The following KIF26B variants were observed in gnomAD, a reference collection of about 807,000 sequenced individuals.
KIF26B encodes the protein kinesin-like protein KIF26B.
In KIF26B, 63 loss-of-function variants were observed where a neutral mutation model predicts 151.2. The observed-to-expected ratio is 0.42, with a 90% CI of 0.34 to 0.51. The LOEUF (loss-of-function observed/expected upper bound fraction) is 0.51, where lower values mean the gene tolerates loss of function less well. KIF26B is among the 20% of genes least tolerant of loss of function. The pLI is 0.07. For missense variants in KIF26B, 2,813 were observed against 2,913.6 expected, an observed-to-expected ratio of 0.97 and a Z score of 0.79; for synonymous variants, 1,357 against 1,262.1, an observed-to-expected ratio of 1.08 and a Z score of -1.59.
intron 9 of KIF26B, among the ~76,000 whole-genome samples, chr1:245,629,279 T>C (rs2043755555): frequency 6.6e-6 from 1 of 151,978 alleles, no homozygotes; most frequent in Non-Finnish European, 1.5e-5. Context: ...AAAGAGCCCA[T>C]ATAGCAAAGA....
intron 4 of KIF26B, among the ~76,000 whole-genome samples, chr1:245,532,886 G>C (rs1044208843): frequency 6.6e-6 from 1 of 152,200 alleles, no homozygotes; most frequent in Non-Finnish European, 1.5e-5. Flanking sequence ...CCGATACGGA[G>C]AAGTTCCAGA....
chr1:245,671,337 CG>C (rs746171682), intron 10 of KIF26B, among the ~76,000 whole-genome samples: 2 of 152,146 alleles, frequency 1.3e-5, no homozygotes, highest in Non-Finnish European at 2.9e-5. Context: ...TAATATAACA[CG>C]GATGTACCTT....
chr1:245,167,417 A>G lies in KIF26B; in HGVS notation c.465+10734A>G, dbSNP rs978498392. On this transcript the variant is annotated intron_variant, in intron 2 of 14. Coordinates refer to ENST00000407071, the MANE Select transcript of KIF26B (RefSeq NM_018012.4). The surrounding 1 kb of genome is among the most constrained non-coding windows in gnomAD (Gnocchi z 4.2). The stretch of plus-strand genomic sequence containing the variant: ...TTTGAGTTGGCAGTGATGAGCAGCT[A>G]CACTTCCCCATGAAACTCTATCATC... 2.0e-5 allele frequency among the ~76,000 whole-genome samples: 3 copies of G among 152,156 alleles called. No individual in the cohort carries two copies. The highest frequency in any genetic ancestry group is 2.9e-5 in the Non-Finnish European group (2 of 68,048).
At chr1:245,617,611 C>T (rs1435834379) in intron 9 of KIF26B, among the ~76,000 whole-genome samples, 3 of 152,168 alleles carry the variant, frequency 2.0e-5, no homozygotes, top group Non-Finnish European at 4.4e-5. Flanking sequence ...CAAGGATGTC[C>T]ACACACTACA....
At chr1:245,569,909 C>A (rs1348115539) in intron 5 of KIF26B, among the ~76,000 whole-genome samples, 2 of 138,528 alleles carry the variant, frequency 1.4e-5, no homozygotes, top group Non-Finnish European at 3.1e-5. Context: ...TGAGGGAAAC[C>A]TACGTTGTAA....
chr1:245,314,962 C>T (rs1271480466), intron 2 of KIF26B, among the ~76,000 whole-genome samples: 1 of 152,080 alleles, frequency 6.6e-6, no homozygotes, highest in Admixed American at 6.5e-5. Context: ...GGGTGGATCA[C>T]CTGAGGTCGG....
At chr1:245,341,022 T>A (rs1457624407) in intron 2 of KIF26B, among the ~76,000 whole-genome samples, 1 of 152,176 alleles carries the variant, frequency 6.6e-6, no homozygotes, top group African/African-American at 2.4e-5. Context: ...TTGACACTTT[T>A]CATTTCTACA....
intron 2 of KIF26B, among the ~76,000 whole-genome samples, chr1:245,204,318 C>T (rs1437113766): frequency 6.6e-6 from 1 of 152,120 alleles, no homozygotes; most frequent in Admixed American, 6.5e-5. Flanking sequence ...TGGAGCATCA[C>T]TCCAAACTGT....
At chr1:245,690,986 C>G (rs553568277) in intron 12 of KIF26B, among the ~76,000 whole-genome samples, 4 of 152,332 alleles carry the variant, frequency 2.6e-5, no homozygotes, top group South Asian at 4.1e-4. Flanking sequence ...TTAATGAACT[C>G]TTGTTATTCT....
At chr1:245,384,351 A>G (rs1322703036) in intron 3 of KIF26B, among the ~76,000 whole-genome samples, 1 of 152,214 alleles carries the variant, frequency 6.6e-6, no homozygotes, top group African/African-American at 2.4e-5. Context: ...CACTGTGCTG[A>G]GGGCTTTGTG....
At chr1:245,615,645 A>G (rs1180166135) in intron 9 of KIF26B, among the ~76,000 whole-genome samples, 3 of 152,220 alleles carry the variant, frequency 2.0e-5, no homozygotes, top group Non-Finnish European at 1.5e-5. Context: ...TCAGGTTAAA[A>G]GAAAGGGCAA....
At position 245,392,099 on chromosome 1, in the gene KIF26B, G is replaced by A. The variant is rs140832296; in HGVS notation, c.999+24732G>A. ...AAGATAAAAAAATTGAACCATGAAGGAAGAGCTCTCTGGGGCTCTCCGTAA... is the reference window on the plus strand; with the variant it reads ...AAGATAAAAAAATTGAACCATGAAGAAAGAGCTCTCTGGGGCTCTCCGTAA... On this transcript the variant is annotated intron_variant, in intron 3 of 14. Coordinates refer to ENST00000407071, the MANE Select transcript of KIF26B (RefSeq NM_018012.4). 4.6e-5 allele frequency among the ~76,000 whole-genome samples: 7 copies of A among 151,906 alleles called. No individual in the cohort carries two copies. The East Asian group carries it at 1.4e-3, about 29-fold the overall frequency.
chr1:245,308,939 G>A (rs576441021), intron 2 of KIF26B, among the ~76,000 whole-genome samples: 1 of 152,282 alleles, frequency 6.6e-6, no homozygotes, highest in East Asian at 1.9e-4. Context: ...AACAGACAGT[G>A]GGTAAAGGAG....
intron 2 of KIF26B, among the ~76,000 whole-genome samples, chr1:245,182,274 C>T (rs142902905): frequency 5.3e-5 from 8 of 152,312 alleles, no homozygotes; most frequent in Admixed American, 1.3e-4. Flanking sequence ...ATCTGCTTTC[C>T]GTCTCTGTAG....
In KIF26B at chr1:245,686,421, G is replaced by GT; in HGVS notation, c.3440dup (p.Glu1149GlyfsTer6). On this transcript the variant is annotated frameshift_variant, in exon 12 of 15. Transcript: ENST00000407071. LOFTEE classifies it high-confidence loss of function. The surrounding 1 kb of genome is among the most constrained non-coding windows in gnomAD (Gnocchi z 5.6). ...AATCCATGTCTGCTGGGAGCGAAGGGTTCCCGGAAACTCCTGTCGATGATG... is the reference window on the plus strand; with the variant it reads ...AATCCATGTCTGCTGGGAGCGAAGGGTTTCCCGGAAACTCCTGTCGATGATG... The GT allele has an allele frequency of 6.2e-7, 1 of 1,613,468 alleles. No individual in the cohort carries two copies. Among genetic ancestry groups the GT allele is most frequent in the Non-Finnish European group, 8.5e-7 (1 of 1,179,906 alleles).
rs55638619 is a variant in KIF26B at position 245,244,756 on chromosome 1, T to TCACACACA, written c.465+88102_465+88109dup. Among the ~76,000 whole-genome samples the TCACACACA allele has an allele frequency of 0.25, 36,643 of 144,180 alleles. 5,167 individuals carry two copies. The highest frequency in any genetic ancestry group is 0.33 in the Non-Finnish European group (21,645 of 66,228). 94.6% of individuals were successfully genotyped at this position (144,180 alleles called of 152,430 possible). Reference sequence around the variant, plus strand: ...AGAAGGAACACACAGACACGCACACTCACACACACACACACACACACACAC... The same window carrying TCACACACA: ...AGAAGGAACACACAGACACGCACACTCACACACACACACACACACACACACACACACAC... On this transcript the variant is annotated intron_variant, in intron 2 of 14. Transcript: ENST00000407071. This position sits in a 1 kb window ranked among gnomAD's most constrained non-coding sequence, Gnocchi z 4.2.
In KIF26B at chr1:245,444,246, C is replaced by T. The variant is rs541557859; in HGVS notation, c.1166+24501C>T. ...CTCACTGTTCACCTAGGATGGTTGC[C>T]GTGGGGAGGAGGCGGGTGGTGAATC... On this transcript the variant is annotated intron_variant, in intron 4 of 14. Transcript: ENST00000407071. Among the ~76,000 whole-genome samples, 6 of 152,322 alleles carry T rather than the reference C, an allele frequency of 3.9e-5. No homozygotes were observed. In the South Asian group the frequency reaches 1.0e-3, roughly 26 times the overall value.
chr1:245,502,872 T>C (rs1443255210), intron 4 of KIF26B, among the ~76,000 whole-genome samples: 2 of 151,854 alleles, frequency 1.3e-5, no homozygotes, highest in Non-Finnish European at 1.5e-5. Flanking sequence ...TTTTTTTTTT[T>C]TTTTTCGAGA....
chr1:245,194,900 G>A (rs555665102), intron 2 of KIF26B, among the ~76,000 whole-genome samples: 1 of 152,296 alleles, frequency 6.6e-6, no homozygotes, highest in Non-Finnish European at 1.5e-5. Context: ...GTGTGTAGGA[G>A]AGGGTTGAAG....
Sources: gnomAD v4.1 joint callset for allele counts (sites outside exome capture counted in the v4.1 genomes callset) on GRCh38, gnomAD v4.1.1 for gene constraint, Gnocchi (gnomAD v3.1) non-coding constraint, MANE v1.5 for transcripts, NCBI Gene and HGNC (gene_info 2026-07-23, HGNC 2026-07-21) for gene names.